Variants in EPM2A observed in about 807,000 individuals in gnomAD.
EPM2A encodes EPM2A glucan phosphatase, laforin.
In EPM2A, 21 loss-of-function variants were observed where a neutral mutation model predicts 26.5. The observed-to-expected ratio is 0.79, with a 90% CI of 0.56 to 1.14. The LOEUF (loss-of-function observed/expected upper bound fraction) is 1.14, where lower values mean the gene tolerates loss of function less well. Ranked by LOEUF, EPM2A falls within the 50% of genes most tolerant of loss-of-function variation. The pLI is 0.00. For synonymous variants in EPM2A, 217 were observed against 177.6 expected (o/e 1.22, Z -1.76); for missense variants, 458 against 440.8 (o/e 1.04, Z -0.35).
chr6:145,460,319 T>C (rs1374613662), intron 4 of EPM2A, among the ~76,000 whole-genome samples: 1 of 152,170 alleles, frequency 6.6e-6, no homozygotes, highest in African/African-American at 2.4e-5. Flanking sequence ...ATTTGTAGCT[T>C]TTCCCTGAGA....
intron 2 of EPM2A, among the ~76,000 whole-genome samples, chr6:145,521,625 T>C (rs147404600): frequency 6.6e-6 from 1 of 152,236 alleles, no homozygotes; most frequent in East Asian, 1.9e-4. Flanking sequence ...CAAGCAGAGA[T>C]TGTGAGCCCT....
intron 1 of EPM2A, among the ~76,000 whole-genome samples, chr6:145,727,931 G>A (rs766341831): frequency 2.2e-4 from 34 of 152,100 alleles, no homozygotes; most frequent in Non-Finnish European, 3.8e-4. Flanking sequence ...ATTGAATCAC[G>A]GGGGCAGACT....
chr6:145,565,402 C>T lies in EPM2A; in HGVS notation c.341-62827G>A, dbSNP rs140564051. On this transcript the variant is annotated intron_variant, in intron 2 of 3. Transcript: ENST00000450221. ...ACCTATGAACTCAAATAAGGCAGCT[C>T]TTTGTGAAGCAGTGGGGAGGGAATC... Among the ~76,000 whole-genome samples, 489 of 152,202 alleles carry T rather than the reference C, an allele frequency of 3.2e-3. 7 individuals are homozygous for T. The highest frequency in any genetic ancestry group is 9.7e-3 in the Admixed American group (148 of 15,284).
chr6:145,657,873 G>C (rs150122620), intron 2 of EPM2A, among the ~76,000 whole-genome samples: 2 of 152,118 alleles, frequency 1.3e-5, no homozygotes, highest in African/African-American at 2.4e-5. Flanking sequence ...TCAGACTTAT[G>C]GGCACTCAGG....
At chr6:145,501,819 T>A (rs1172363152) in exon 4 of EPM2A, 1 of 471,078 alleles carries the variant, frequency 2.1e-6, no homozygotes, top group Non-Finnish European at 4.4e-6. Flanking sequence ...ACTTTTGTTT[T>A]AAGTAATCCA....
intron 4 of EPM2A, among the ~76,000 whole-genome samples, chr6:145,434,961 A>G (rs1256785761): frequency 6.6e-6 from 1 of 152,038 alleles, no homozygotes; most frequent in Non-Finnish European, 1.5e-5. Context: ...TGGTTGTTTA[A>G]AAGTGTGTGG....
At chr6:145,401,744 C>CT (rs1778493346) in intron 4 of EPM2A, among the ~76,000 whole-genome samples, 3 of 152,186 alleles carry the variant, frequency 2.0e-5, no homozygotes, top group East Asian at 3.9e-4. Context: ...ATCTGAACAT[C>CT]TTTTTGTGAC....
At chr6:145,535,152 C>T (rs145453098) in intron 2 of EPM2A, among the ~76,000 whole-genome samples, 127 of 152,278 alleles carry the variant, frequency 8.3e-4, no homozygotes, top group African/African-American at 2.9e-3. Flanking sequence ...AGTCAACAGC[C>T]GCACCCTTGG....
At chr6:145,433,637 A>G (rs1222578585) in intron 4 of EPM2A, among the ~76,000 whole-genome samples, 1 of 152,210 alleles carries the variant, frequency 6.6e-6, no homozygotes, top group Admixed American at 6.5e-5. Context: ...CCTTCACTTA[A>G]CATTGTCAAC....
At chr6:145,522,949 A>C (rs419854) in intron 2 of EPM2A, among the ~76,000 whole-genome samples, 68,413 of 151,946 alleles carry the variant, frequency 0.45, 15,444 homozygotes, top group South Asian at 0.58. Context: ...AATTGCTCAT[A>C]CTTCAAAGAC....
chr6:145,728,249 A>C (rs1776309193), intron 1 of EPM2A, among the ~76,000 whole-genome samples: 1 of 152,216 alleles, frequency 6.6e-6, no homozygotes, highest in Non-Finnish European at 1.5e-5. Context: ...CATTACTATA[A>C]AGATACCTGA....
intron 1 of EPM2A, among the ~76,000 whole-genome samples, chr6:145,695,500 G>A (rs1253647834): frequency 6.6e-6 from 1 of 151,806 alleles, no homozygotes; most frequent in Non-Finnish European, 1.5e-5. Context: ...GATATAAAGT[G>A]ACTGAATAGA....
chr6:145,694,264 C>G (rs897228875), intron 1 of EPM2A, among the ~76,000 whole-genome samples: 1 of 152,000 alleles, frequency 6.6e-6, no homozygotes, highest in Non-Finnish European at 1.5e-5. Flanking sequence ...CATCTGATCT[C>G]TCTCATGCCC....
At chr6:145,653,331 C>G (rs1303003385) in intron 2 of EPM2A, among the ~76,000 whole-genome samples, 1 of 152,198 alleles carries the variant, frequency 6.6e-6, no homozygotes, top group East Asian at 1.9e-4. Context: ...TGCTCACTCT[C>G]TCTCACCTGC....
At chr6:145,472,693 A>C (rs1000602880) in intron 4 of EPM2A, among the ~76,000 whole-genome samples, 2 of 152,138 alleles carry the variant, frequency 1.3e-5, no homozygotes, top group African/African-American at 4.8e-5. Flanking sequence ...GAAAAGGGGA[A>C]GGAAGAATGA....
intron 3 of EPM2A, chr6:145,631,302 C>T (rs1179927983): frequency 5.9e-5 from 9 of 152,080 alleles, no homozygotes; most frequent in Non-Finnish European, 7.4e-5. Context: ...ATAGGCTCCA[C>T]ATAGAATTTA....
intron 2 of EPM2A, among the ~76,000 whole-genome samples, chr6:145,559,386 C>G (rs1780774330): frequency 6.6e-6 from 1 of 152,054 alleles, no homozygotes; most frequent in South Asian, 2.1e-4. Flanking sequence ...CACTTCTTGA[C>G]TATGTGATTT....
rs1782146919 is a variant in EPM2A, at chr6:145,705,189, C to G, written c.302-18893G>C. ...TTGGGCTGGGCACAGTGGCTCACGC[C>G]TGTAATCCCAGCACTTTGGGAGGTC... On this transcript the variant is annotated intron_variant, in intron 1 of 3. Transcript: ENST00000367519. Among the ~76,000 whole-genome samples the G allele has an allele frequency of 1.3e-5, 2 of 152,148 alleles. 1 individual carries two copies. The highest frequency in any genetic ancestry group is 4.1e-4 in the South Asian group (2 of 4,828).
At chr6:145,452,217 G>A (rs1005386910) in intron 4 of EPM2A, among the ~76,000 whole-genome samples, 1 of 152,082 alleles carries the variant, frequency 6.6e-6, no homozygotes, top group African/African-American at 2.4e-5. Context: ...CCAGATCTCT[G>A]TCCTTGCCCT....
Sources: gnomAD v4.1 joint callset for allele counts (sites outside exome capture counted in the v4.1 genomes callset) on GRCh38, gnomAD v4.1.1 for gene constraint, MANE v1.5 for transcripts, NCBI Gene and HGNC (gene_info 2026-07-23, HGNC 2026-07-21) for gene names.